GPATCH2: variants seen among roughly 807,000 people sequenced by gnomAD.
GPATCH2 encodes G patch domain-containing protein 2.
GPATCH2 carries 51 observed loss-of-function variants against 58.0 expected under a neutral mutation model. The observed-to-expected ratio is 0.88, with a 90% CI of 0.70 to 1.11. The LOEUF is 1.11. Among genes scored for constraint, GPATCH2 ranks in the 50% most tolerant of loss-of-function variants. The probability of loss-of-function intolerance (pLI) is 0.00; values close to 1 mark genes in which losing one functional copy is unlikely to be tolerated. For missense variants in GPATCH2, 625 were observed against 652.2 expected, an observed-to-expected ratio of 0.96 and a Z score of 0.45; for synonymous variants, 222 against 218.5, an observed-to-expected ratio of 1.02 and a Z score of -0.14.
intron 5 of GPATCH2, among the ~76,000 whole-genome samples, chr1:217,580,752 T>TTCCTCCCACGACTTATTAAATCAG (rs1558500910): frequency 1.9e-4 from 21 of 109,942 alleles, no homozygotes; most frequent in African/African-American, 3.6e-4. Context: ...GAATCTCCTG[T>TTCCTCCCACGACTTATTAAATCAG]AATCCCAGCA....
intron 7 of GPATCH2, among the ~76,000 whole-genome samples, chr1:217,492,304 T>C (rs1661782382): frequency 6.6e-6 from 1 of 152,122 alleles, no homozygotes; most frequent in African/African-American, 2.4e-5. Context: ...GGCTTGGAAA[T>C]ATATAATTAG....
intron 3 of GPATCH2, among the ~76,000 whole-genome samples, chr1:217,613,215 T>C (rs1024352841): frequency 3.3e-5 from 5 of 152,102 alleles, no homozygotes; most frequent in African/African-American, 1.2e-4. Context: ...CAAACAGTTA[T>C]GTACCTATTC....
intron 5 of GPATCH2, among the ~76,000 whole-genome samples, chr1:217,559,403 G>C (rs1279209619): frequency 6.6e-6 from 1 of 151,738 alleles, no homozygotes; most frequent in African/African-American, 2.4e-5. Context: ...GCCTTCAACG[G>C]CCCCTCCATA....
intron 5 of GPATCH2, among the ~76,000 whole-genome samples, chr1:217,577,036 AAT>A (rs1162347016): frequency 1.3e-5 from 2 of 152,208 alleles, no homozygotes; most frequent in Non-Finnish European, 2.9e-5. Flanking sequence ...TACAATTTAT[AAT>A]ATATTTGCTA....
chr1:217,515,681 C>A (rs1663099876), intron 5 of GPATCH2, among the ~76,000 whole-genome samples: 1 of 151,420 alleles, frequency 6.6e-6, no homozygotes, highest in Non-Finnish European at 1.5e-5. Context: ...GCACTCCAGC[C>A]TGGGTGACAG....
intron 8 of GPATCH2, chr1:217,491,471 T>G (rs1419490277): frequency 4.4e-6 from 1 of 229,542 alleles, no homozygotes; most frequent in Non-Finnish European, 8.2e-6. Flanking sequence ...ATTTTAAAAA[T>G]TAATTATTTT....
In GPATCH2 at chr1:217,429,992, T is replaced by C. The variant is rs1455278516; in HGVS notation, c.*1153A>G. ...AATCATCATCATAATAAGTTGTTAA[T>C]AATGAAGATAATAAATAAAGATCTT... is the stretch of plus-strand genomic sequence containing the variant. On this transcript the variant is annotated 3_prime_UTR_variant, in exon 10 of 10. Coordinates refer to ENST00000366935, the MANE Select transcript of GPATCH2 (RefSeq NM_018040.5). 1 of 152,140 alleles carries C rather than the reference T, an allele frequency of 6.6e-6. No homozygotes were observed. The highest frequency in any genetic ancestry group is 1.9e-4 in the East Asian group (1 of 5,196). The allele number at this position is 152,140 out of a possible 1,614,324, so 9.4% of individuals were successfully genotyped here.
chr1:217,455,692 G>A (rs1659908550), intron 8 of GPATCH2, among the ~76,000 whole-genome samples: 1 of 152,098 alleles, frequency 6.6e-6, no homozygotes, highest in Admixed American at 6.5e-5. Context: ...ACACTAGGTA[G>A]AAGATGGCAG....
chr1:217,464,326 G>C (rs1660343036), intron 8 of GPATCH2, among the ~76,000 whole-genome samples: 1 of 152,114 alleles, frequency 6.6e-6, no homozygotes, highest in Non-Finnish European at 1.5e-5. Context: ...TGGCAGCTAT[G>C]AGATGCCATA....
At chr1:217,466,338 A>G (rs1359263234) in intron 8 of GPATCH2, among the ~76,000 whole-genome samples, 1 of 152,028 alleles carries the variant, frequency 6.6e-6, no homozygotes, top group African/African-American at 2.4e-5. Flanking sequence ...GTGTCAGACA[A>G]TGTACACACA....
chr1:217,618,492 G>T (rs1048682626), intron 2 of GPATCH2, among the ~76,000 whole-genome samples: 1 of 152,166 alleles, frequency 6.6e-6, no homozygotes, highest in Non-Finnish European at 1.5e-5. Flanking sequence ...AAAGGCATGA[G>T]CCGCCATGCT....
chr1:217,598,346 C>G (rs1220263938), intron 5 of GPATCH2, among the ~76,000 whole-genome samples: 1 of 152,018 alleles, frequency 6.6e-6, no homozygotes, highest in Non-Finnish European at 1.5e-5. Context: ...CAAGATCGCA[C>G]TATTGCACTC....
intron 5 of GPATCH2, among the ~76,000 whole-genome samples, chr1:217,563,487 G>A (rs538615331): frequency 1.7e-4 from 26 of 152,044 alleles, no homozygotes; most frequent in Non-Finnish European, 1.5e-4. Flanking sequence ...AATGAGTTCA[G>A]TCCTATATAT....
Position 217,625,737 on chromosome 1 carries a change from T to A in GPATCH2, c.56+5179A>T, listed in dbSNP as rs1015898140. On this transcript the variant is annotated intron_variant, in intron 1 of 9. Coordinates refer to ENST00000366935, the MANE Select transcript of GPATCH2 (RefSeq NM_018040.5). ...AGTGATCATGCCTGTAATCCCAGCA[T>A]TCTGGGAGGTCGAAGTGGGTGGATC... 2.9e-4 allele frequency among the ~76,000 whole-genome samples: 44 copies of A among 152,054 alleles called. 1 individual carries two copies. Among genetic ancestry groups the A allele is most frequent in the Admixed American group, 2.6e-3 (39 of 15,264 alleles).
chr1:217,601,916 G>A (rs1178913458), intron 5 of GPATCH2, among the ~76,000 whole-genome samples: 3 of 152,116 alleles, frequency 2.0e-5, no homozygotes, highest in African/African-American at 7.2e-5. Context: ...AGGCCCAGCA[G>A]TATCTGATAC....
Position 217,620,247 on chromosome 1 carries a change from A to G in GPATCH2, c.309T>C (p.Tyr103=). The G allele has an allele frequency of 1.9e-6, 3 of 1,613,772 alleles. No individual in the cohort carries two copies. Among genetic ancestry groups the G allele is most frequent in the Non-Finnish European group, 2.5e-6 (3 of 1,179,722 alleles). The change falls in exon 2 of 10, where the codon TAT becomes TAC. Residue 103 remains tyrosine, a synonymous_variant. Coordinates refer to ENST00000366935, the MANE Select transcript of GPATCH2 (RefSeq NM_018040.5). ...DSSLEEPSKD[Y]RENHNNNKKD... Reference sequence around the variant, plus strand: ...TTTTATTATTATTGTGATTCTCTCTATAGTCCTTGCTTGGTTCTTCTAAAC... The same window carrying G: ...TTTTATTATTATTGTGATTCTCTCTGTAGTCCTTGCTTGGTTCTTCTAAAC...
At chr1:217,520,316 T>C (rs1663388527) in intron 5 of GPATCH2, among the ~76,000 whole-genome samples, 1 of 152,194 alleles carries the variant, frequency 6.6e-6, no homozygotes, top group Admixed American at 6.5e-5. Flanking sequence ...ACTGAATTGC[T>C]AGAGAGTTCA....
rs760826205 is a variant in GPATCH2 at position 217,431,323 on chromosome 1, A to G, written c.1409T>C (p.Ile470Thr). ...ENAQPILENN[I>T]GNRMLQNMGW... ...CATATTCTGAAGCATTCGGTTTCCAATATTATTTTCTAGGATTGGCTGGGC... is the reference window on the plus strand; with the variant it reads ...CATATTCTGAAGCATTCGGTTTCCAGTATTATTTTCTAGGATTGGCTGGGC... Residue 470 changes from isoleucine to threonine, a missense_variant, in exon 10 of 10, where the codon ATT (isoleucine) becomes ACT (threonine). Transcript: ENST00000366935. 21 of 1,609,604 alleles carry G rather than the reference A, an allele frequency of 1.3e-5. No homozygotes were observed. The highest frequency in any genetic ancestry group is 1.2e-4 in the South Asian group (11 of 90,998).
chr1:217,620,335 C>T lies in GPATCH2; in HGVS notation c.221G>A (p.Arg74Lys). The T allele has an allele frequency of 6.2e-7, 1 of 1,614,020 alleles. No homozygotes were observed. The highest frequency in any genetic ancestry group is 8.5e-7 in the Non-Finnish European group (1 of 1,180,010). Residue 74 changes from arginine (R) to lysine (K), a missense_variant, in exon 2 of 10, where the codon AGG becomes AAG. Coordinates refer to ENST00000366935, the MANE Select transcript of GPATCH2 (RefSeq NM_018040.5). ...QARKRRGRKR[R>K]SYNVHHPWET... The stretch of plus-strand genomic sequence containing the variant: ...CCACGGGTGATGCACATTATACGAC[C>T]TCCGTTTTCTCCCTCTCCTTTTCCT...
Sources: gnomAD v4.1 joint callset for allele counts (sites outside exome capture counted in the v4.1 genomes callset) on GRCh38, gnomAD v4.1.1 for gene constraint, MANE v1.5 for transcripts, NCBI Gene and HGNC (gene_info 2026-07-23, HGNC 2026-07-21) for gene names.